The following AFF3 variants were observed in gnomAD, a reference collection of about 807,000 sequenced individuals.
AFF3 encodes the protein ALF transcription elongation factor 3.
A neutral mutation model predicts 129.7 loss-of-function variants in AFF3; 32 were observed. That is an observed-to-expected ratio of 0.25 (90% CI 0.19 to 0.33). AFF3 has a LOEUF of 0.33. Among genes scored for constraint, AFF3 ranks in the 10% least tolerant of loss-of-function variants. The pLI is 1.00. For synonymous variants in AFF3, 644 were observed against 635.4 expected (o/e 1.01, Z -0.20); for missense variants, 1,373 against 1,592.0 (o/e 0.86, Z 2.34).
chr2:99,914,483 A>G (rs1695318864), intron 7 of AFF3, among the ~76,000 whole-genome samples: 1 of 152,318 alleles, frequency 6.6e-6, no homozygotes, highest in East Asian at 1.9e-4. Flanking sequence ...CATCATTAGG[A>G]CAACGTGAGA....
At chr2:99,861,151 G>A (rs1690967231) in intron 7 of AFF3, among the ~76,000 whole-genome samples, 2 of 152,202 alleles carry the variant, frequency 1.3e-5, no homozygotes, top group South Asian at 4.1e-4. Context: ...ACTGGTAACA[G>A]ACCAGATTTT....
At chr2:99,579,740 G>A (rs967934427) in intron 17 of AFF3, among the ~76,000 whole-genome samples, 3 of 127,864 alleles carry the variant, frequency 2.3e-5, no homozygotes, top group African/African-American at 1.3e-4. Context: ...ATACATATGT[G>A]TGTGTGTATA....
intron 15 of AFF3, among the ~76,000 whole-genome samples, chr2:99,591,017 T>A (rs902881076): frequency 6.6e-6 from 1 of 151,024 alleles, no homozygotes; most frequent in African/African-American, 2.4e-5. Flanking sequence ...AAAAAAAAAT[T>A]TTTTTTTCTT....
chr2:99,641,979 G>A (rs180942168), intron 13 of AFF3, among the ~76,000 whole-genome samples: 1 of 152,266 alleles, frequency 6.6e-6, no homozygotes, highest in Admixed American at 6.5e-5. Flanking sequence ...GAATTTTTGT[G>A]TCTTCTATAG....
intron 18 of AFF3, among the ~76,000 whole-genome samples, chr2:99,574,027 T>C (rs1676756508): frequency 6.6e-6 from 1 of 152,150 alleles, no homozygotes; most frequent in African/African-American, 2.4e-5. Flanking sequence ...GACACAGTTG[T>C]TCTCTCTCAA....
At chr2:99,676,327 C>T in intron 11 of AFF3, among the ~76,000 whole-genome samples, 1 of 152,192 alleles carries the variant, frequency 6.6e-6, no homozygotes, top group Non-Finnish European at 1.5e-5. Context: ...CTAGATGTTA[C>T]TTTGTCAATC....
At position 99,546,990 on chromosome 2, in the gene AFF3, A is replaced by G. The variant is rs536759449; in HGVS notation, c.*4484T>C. 3.6e-4 allele frequency: 79 copies of G among 220,654 alleles called. No homozygotes were observed. The highest frequency in any genetic ancestry group is 1.7e-3 in the African/African-American group (76 of 44,760). The allele number at this position is 220,654 out of a possible 1,614,324, so 13.7% of individuals were successfully genotyped here. On this transcript the variant is annotated 3_prime_UTR_variant, in exon 25 of 25. Coordinates refer to ENST00000672756, the MANE Select transcript of AFF3 (RefSeq NM_001386135.1). ...CGCGCGTGTGTGCGTATGTGTATGTATCAGGAAATAGCAAAGACAAATAGT... is the reference window on the plus strand; with the variant it reads ...CGCGCGTGTGTGCGTATGTGTATGTGTCAGGAAATAGCAAAGACAAATAGT...
chr2:100,066,374 G>C (rs570032857), intron 4 of AFF3, among the ~76,000 whole-genome samples: 1 of 152,150 alleles, frequency 6.6e-6, no homozygotes, highest in Non-Finnish European at 1.5e-5. Context: ...GGTAATGAAC[G>C]AGCCAGTGAC....
intron 4 of AFF3, among the ~76,000 whole-genome samples, chr2:100,027,495 C>T (rs369594466): frequency 2.6e-5 from 4 of 152,300 alleles, no homozygotes; most frequent in Admixed American, 6.5e-5. Context: ...TAACAATTTA[C>T]GGAACTGCCA....
Position 99,546,346 on chromosome 2 carries a change from G to A in AFF3, c.*5128C>T, listed in dbSNP as rs1674073227. 1 of 232,814 alleles carries A rather than the reference G, an allele frequency of 4.3e-6. No individual in the cohort carries two copies. Among genetic ancestry groups the A allele is most frequent in the Admixed American group, 5.6e-5 (1 of 17,768 alleles). The allele number at this position is 232,814 out of a possible 1,614,324, so 14.4% of individuals were successfully genotyped here. On this transcript the variant is annotated 3_prime_UTR_variant, in exon 25 of 25. Transcript: ENST00000672756. The stretch of plus-strand genomic sequence containing the variant: ...TTCCTGTCCCACCCATCTCTGGGAT[G>A]AGGAGTTCTCCATGGTGACCCTGAG...
chr2:99,690,139 TATA>T (rs550012695), intron 11 of AFF3, among the ~76,000 whole-genome samples: 220 of 143,250 alleles, frequency 1.5e-3, no homozygotes, highest in Middle Eastern at 0.015. Flanking sequence ...CACCTAAATT[TATA>T]ATAACCACAA....
chr2:99,939,122 T>G (rs1674792617), intron 7 of AFF3, among the ~76,000 whole-genome samples: 1 of 152,350 alleles, frequency 6.6e-6, no homozygotes, highest in Non-Finnish European at 1.5e-5. Context: ...GTTATTTTGT[T>G]ATTTTATTAT....
intron 7 of AFF3, among the ~76,000 whole-genome samples, chr2:99,838,551 C>G (rs1428504420): frequency 2.0e-5 from 3 of 152,206 alleles, no homozygotes; most frequent in African/African-American, 7.2e-5. Flanking sequence ...CACCCTGACC[C>G]TAGAGTGCTT....
intron 7 of AFF3, among the ~76,000 whole-genome samples, chr2:99,993,897 C>T (rs1576501062): frequency 7.1e-6 from 1 of 140,444 alleles, no homozygotes; most frequent in East Asian, 2.1e-4. Context: ...CCTCCACCTC[C>T]TGGGTTCAAG....
At chr2:99,684,690 T>C (rs62156466) in intron 11 of AFF3, among the ~76,000 whole-genome samples, 1 of 151,578 alleles carries the variant, frequency 6.6e-6, no homozygotes, top group East Asian at 1.9e-4. Flanking sequence ...CAGCTCACTG[T>C]AGCCTCAACC....
At chr2:99,856,148 A>G (rs1438077542) in intron 7 of AFF3, among the ~76,000 whole-genome samples, 2 of 152,222 alleles carry the variant, frequency 1.3e-5, no homozygotes, top group Non-Finnish European at 2.9e-5. Context: ...TTCAAGAGTA[A>G]GAAAGACATT....
chr2:100,117,344 C>T (rs982679085), intron 2 of AFF3, among the ~76,000 whole-genome samples: 1 of 152,120 alleles, frequency 6.6e-6, no homozygotes, highest in African/African-American at 2.4e-5. Context: ...TTGAAAGCTT[C>T]TTTCTGAATA....
At chr2:99,695,962 C>CAAAAAAAA (rs1676212587) in intron 11 of AFF3, among the ~76,000 whole-genome samples, 2 of 90,066 alleles carry the variant, frequency 2.2e-5, no homozygotes, top group African/African-American at 1.0e-4. Context: ...AAAAAAAAAC[C>CAAAAAAAA]AAAAGAAAAA....
chr2:99,567,537 C>A (rs1380723005), intron 19 of AFF3, among the ~76,000 whole-genome samples: 1 of 152,082 alleles, frequency 6.6e-6, no homozygotes, highest in Admixed American at 6.6e-5. Context: ...AGTGATGGGG[C>A]CGCAGAGAGG....
Sources: gnomAD v4.1 joint callset for allele counts (sites outside exome capture counted in the v4.1 genomes callset) on GRCh38, gnomAD v4.1.1 for gene constraint, MANE v1.5 for transcripts, NCBI Gene and HGNC (gene_info 2026-07-23, HGNC 2026-07-21) for gene names.